The following MBTPS1 variants were observed in gnomAD, a reference collection of about 807,000 sequenced individuals.
MBTPS1 encodes the protein membrane-bound transcription factor site-1 protease.
Under a neutral mutation model 127.8 loss-of-function variants are expected in MBTPS1, and 94 were observed. The ratio of observed to expected loss-of-function variants is 0.74; its 90% confidence interval spans 0.62 to 0.87. The LOEUF (loss-of-function observed/expected upper bound fraction) is 0.87. Ranked by LOEUF, MBTPS1 falls within the 40% of genes least tolerant of loss-of-function variation. MBTPS1 has a pLI of 0.00. For synonymous variants in MBTPS1, 632 were observed against 509.4 expected (o/e 1.24, Z -3.24); for missense variants, 1,636 against 1,353.2 (o/e 1.21, Z -3.28).
intron 8 of MBTPS1, 86 bp downstream of exon 8, chr16:84,090,789 A>G (rs1282119259): frequency 1.4e-5 from 13 of 937,072 alleles, no homozygotes; most frequent in Non-Finnish European, 2.1e-5. Context: ...ACAAGTAACC[A>G]TAGGTAGATA....
intron 21 of MBTPS1, among the ~76,000 whole-genome samples, chr16:84,058,729 G>T (rs950687538): frequency 2.6e-5 from 4 of 152,206 alleles, no homozygotes; most frequent in Non-Finnish European, 5.9e-5. Context: ...CGATGCAAAT[G>T]AAGAAGCCGA....
chr16:84,109,094 T>A (rs959057214), intron 1 of MBTPS1, among the ~76,000 whole-genome samples: 1 of 152,226 alleles, frequency 6.6e-6, no homozygotes, highest in Non-Finnish European at 1.5e-5. Flanking sequence ...TGCCCACAAT[T>A]GGTTCTAAAT....
chr16:84,085,314 C>T (rs758355909), intron 9 of MBTPS1, among the ~76,000 whole-genome samples, 180 bp from the exon 10 acceptor site: 14 of 152,182 alleles, frequency 9.2e-5, no homozygotes, highest in Non-Finnish European at 1.6e-4. Flanking sequence ...CACCTGTAAT[C>T]CCAACACTCT....
intron 7 of MBTPS1, among the ~76,000 whole-genome samples, chr16:84,091,306 T>G (rs1309726350): frequency 6.6e-6 from 1 of 151,880 alleles, no homozygotes; most frequent in Non-Finnish European, 1.5e-5. Flanking sequence ...GCCAATTCGG[T>G]GAAACCCCGT....
intron 1 of MBTPS1, among the ~76,000 whole-genome samples, chr16:84,103,383 C>A (rs1289312080): frequency 6.6e-6 from 1 of 151,768 alleles, no homozygotes; most frequent in Non-Finnish European, 1.5e-5. Flanking sequence ...CTCAGCCTCC[C>A]GAGTAGCTGG....
chr16:84,106,763 G>C (rs1006276142), intron 1 of MBTPS1, among the ~76,000 whole-genome samples: 3 of 152,222 alleles, frequency 2.0e-5, no homozygotes, highest in African/African-American at 7.2e-5. Context: ...GGAGCATCTG[G>C]AGGACTTCCG....
chr16:84,100,160 C>T (rs2086233930), intron 2 of MBTPS1, among the ~76,000 whole-genome samples: 1 of 152,192 alleles, frequency 6.6e-6, no homozygotes, highest in African/African-American at 2.4e-5. Context: ...GCCTATAATC[C>T]CAGCATTCTG....
At chr16:84,058,847 C>T (rs1379265273) in intron 21 of MBTPS1, among the ~76,000 whole-genome samples, 1 of 152,216 alleles carries the variant, frequency 6.6e-6, no homozygotes, top group Middle Eastern at 3.2e-3. Context: ...CCCCCAGTCA[C>T]AGTCAGCACA....
intron 1 of MBTPS1, among the ~76,000 whole-genome samples, chr16:84,107,128 A>G (rs2086334601): frequency 6.6e-6 from 1 of 152,198 alleles, no homozygotes; most frequent in African/African-American, 2.4e-5. Flanking sequence ...CAAAAGACAG[A>G]GGGCACAGGA....
At chr16:84,060,608 A>C in intron 20 of MBTPS1, 74 bp downstream of exon 20, 1 of 1,544,154 alleles carries the variant, frequency 6.5e-7, no homozygotes, top group South Asian at 1.2e-5. Flanking sequence ...TGGCAGGCAC[A>C]GCCACTGGCT....
At chr16:84,096,089 C>G (rs2086176157) in intron 3 of MBTPS1, among the ~76,000 whole-genome samples, 1 of 151,926 alleles carries the variant, frequency 6.6e-6, no homozygotes, top group Admixed American at 6.6e-5. Context: ...TTTTAAAAAG[C>G]TAATTGTGAT....
At chr16:84,087,709 C>G (rs767672814) in intron 8 of MBTPS1, among the ~76,000 whole-genome samples, 2 of 152,126 alleles carry the variant, frequency 1.3e-5, no homozygotes, top group East Asian at 3.9e-4. Flanking sequence ...TCCTCCCTGT[C>G]AACTTGGCAC....
chr16:84,069,821 A>G (rs768566195), intron 14 of MBTPS1, 45 bp downstream of exon 14: 5 of 1,548,060 alleles, frequency 3.2e-6, no homozygotes, highest in East Asian at 4.5e-5. Flanking sequence ...GCCTCCTCCC[A>G]CCACGGAGGC....
chr16:84,092,030 G>A lies in MBTPS1; in HGVS notation c.847-182C>T, dbSNP rs796421832. On this transcript the variant is annotated intron_variant, in intron 6 of 22. Transcript: ENST00000343411. ...GGAGAGTAAAATACAACACGTAGAA[G>A]TTCTAAGTCCTTGGAGCTGAACCTA... 1.4e-4 allele frequency among the ~76,000 whole-genome samples: 21 copies of A among 152,182 alleles called. 1 individual carries two copies. Among genetic ancestry groups the A allele is most frequent in the African/African-American group, 4.8e-4 (20 of 41,526 alleles).
chr16:84,065,262 C>T (rs138336444), intron 18 of MBTPS1, among the ~76,000 whole-genome samples: 3,658 of 151,974 alleles, frequency 0.024, 159 homozygotes, highest in African/African-American at 0.083. Context: ...GGACTACAGG[C>T]GCGTGCCATC....
intron 11 of MBTPS1, chr16:84,074,975 T>G: frequency 3.0e-6 from 1 of 334,472 alleles, no homozygotes; most frequent in African/African-American, 2.1e-5. Context: ...ACCTCTGCTT[T>G]TGCAAGTCTG....
Position 84,056,119 on chromosome 16 carries a change from G to T in MBTPS1, c.2848C>A (p.Gln950Lys), listed in dbSNP as rs1265324289. 2 of 1,613,976 alleles carry T rather than the reference G, an allele frequency of 1.2e-6. No homozygotes were observed. The highest frequency in any genetic ancestry group is 2.2e-5 in the South Asian group (2 of 91,070). ...TCCAGGTCAATGGAGAGTAGCTTCT[G>T]ATGTTTCCAAAGGTTACTTCAGGAA... Reference protein sequence around the residue: ...ETAPSNLWKHQKLLSIDLDKV... With the variant: ...ETAPSNLWKHKKLLSIDLDKV... The change falls in exon 22 of 23, where the codon CAG becomes AAG. Residue 950 changes from glutamine to lysine, a missense_variant. Coordinates refer to ENST00000343411, the MANE Select transcript of MBTPS1 (RefSeq NM_003791.4).
intron 21 of MBTPS1, among the ~76,000 whole-genome samples, chr16:84,058,780 A>T (rs1288453827): frequency 1.3e-5 from 2 of 152,202 alleles, no homozygotes; most frequent in African/African-American, 2.4e-5. Context: ...CACTGCAAAC[A>T]GGAGTGTGGA....
At chr16:84,057,370 C>T (rs985640399) in intron 21 of MBTPS1, 7 of 152,224 alleles carry the variant, frequency 4.6e-5, no homozygotes, top group Non-Finnish European at 7.3e-5. Flanking sequence ...CAGTGATATC[C>T]TGTTCCAGAA....
Sources: gnomAD v4.1 joint callset for allele counts (sites outside exome capture counted in the v4.1 genomes callset) on GRCh38, gnomAD v4.1.1 for gene constraint, MANE v1.5 for transcripts, NCBI Gene and HGNC (gene_info 2026-07-23, HGNC 2026-07-21) for gene names.